COL5A2: variants seen among roughly 807,000 people sequenced by gnomAD.
COL5A2 encodes collagen type V alpha 2 chain.
In COL5A2, 23 loss-of-function variants were observed where a neutral mutation model predicts 208.2. That is an observed-to-expected ratio of 0.11 (90% CI 0.08 to 0.16). The LOEUF (loss-of-function observed/expected upper bound fraction) is 0.16. COL5A2 is among the 10% of genes least tolerant of loss of function. The pLI is 1.00. For missense variants in COL5A2, 1,590 were observed against 1,956.4 expected (o/e 0.81, Z 3.53); for synonymous variants, 625 against 628.5 (o/e 0.99, Z 0.08).
chr2:189,067,455 T>C (rs1686178426), intron 21 of COL5A2, among the ~76,000 whole-genome samples: 1 of 152,180 alleles, frequency 6.6e-6, no homozygotes, highest in Admixed American at 6.5e-5. Flanking sequence ...TATTTAAATA[T>C]TTATTTTTAT....
chr2:189,319,297 G>T, the COL5A2 span, among the ~76,000 whole-genome samples: 2 of 152,244 alleles, frequency 1.3e-5, no homozygotes, highest in Non-Finnish European at 2.9e-5. Flanking sequence ...TCATCTCACT[G>T]GGGCTTGTCA....
chr2:189,039,940 T>TG (rs1685524070), intron 50 of COL5A2, among the ~76,000 whole-genome samples: 3 of 152,182 alleles, frequency 2.0e-5, no homozygotes, highest in Non-Finnish European at 4.4e-5. Context: ...TTTAAAATTA[T>TG]TTTTGGATGA....
At chr2:189,091,649 T>C (rs969509505) in intron 7 of COL5A2, among the ~76,000 whole-genome samples, 8 of 152,196 alleles carry the variant, frequency 5.3e-5, no homozygotes, top group Non-Finnish European at 7.3e-5. Flanking sequence ...AACATAAGTT[T>C]ATATGCACTG....
the COL5A2 span, among the ~76,000 whole-genome samples, chr2:189,385,735 G>T: frequency 6.6e-6 from 1 of 152,026 alleles, no homozygotes; most frequent in Admixed American, 6.6e-5. Context: ...CTAACCAAAG[G>T]TTGTGGTAAC....
At chr2:189,098,180 T>A (rs1422772315) in intron 5 of COL5A2, among the ~76,000 whole-genome samples, 4 of 152,192 alleles carry the variant, frequency 2.6e-5, no homozygotes, top group African/African-American at 7.2e-5. Flanking sequence ...AGAACCAGAG[T>A]GAGTCCATTA....
chr2:189,135,097 T>G (rs1360985828), intron 1 of COL5A2, among the ~76,000 whole-genome samples: 1 of 152,214 alleles, frequency 6.6e-6, no homozygotes, highest in Non-Finnish European at 1.5e-5. Context: ...TTCTTCTTGT[T>G]ATCTTTCTAT....
At chr2:189,312,959 C>T in the COL5A2 span, among the ~76,000 whole-genome samples, 3,648 of 151,520 alleles carry the variant, frequency 0.024, 157 homozygotes, top group African/African-American at 0.084. Flanking sequence ...AGCACAAGAA[C>T]GCTGATAAAA....
chr2:189,163,303 C>T (rs1243232659), intron 1 of COL5A2, among the ~76,000 whole-genome samples: 5 of 152,172 alleles, frequency 3.3e-5, no homozygotes, highest in Non-Finnish European at 7.3e-5. Flanking sequence ...GGCAAGAAGG[C>T]ACGCTGCTAA....
chr2:189,362,053 A>G, the COL5A2 span, among the ~76,000 whole-genome samples: 7 of 152,080 alleles, frequency 4.6e-5, no homozygotes, highest in Non-Finnish European at 1.0e-4. Context: ...AGTTACCCCA[A>G]CTAAAGTATT....
chr2:189,169,340 C>T (rs184101651), intron 1 of COL5A2, among the ~76,000 whole-genome samples: 197 of 152,172 alleles, frequency 1.3e-3, no homozygotes, highest in African/African-American at 4.1e-3. Context: ...TGTGGGGCTG[C>T]GAAACAGGGG....
At chr2:189,368,003 C>A in the COL5A2 span, among the ~76,000 whole-genome samples, 2 of 151,922 alleles carry the variant, frequency 1.3e-5, no homozygotes, top group African/African-American at 4.8e-5. Context: ...ATTTATTTTC[C>A]AACTCTTCTA....
At chr2:189,292,510 C>T in the COL5A2 span, among the ~76,000 whole-genome samples, 5 of 152,244 alleles carry the variant, frequency 3.3e-5, no homozygotes, top group African/African-American at 1.2e-4. Flanking sequence ...AAAATGCTCA[C>T]CATCACTGGC....
chr2:189,330,521 A>G, the COL5A2 span, among the ~76,000 whole-genome samples: 96 of 152,352 alleles, frequency 6.3e-4, 3 homozygotes, highest in South Asian at 0.02. Flanking sequence ...AGTTAGGGGC[A>G]GAGCGGAGAG....
the COL5A2 span, among the ~76,000 whole-genome samples, chr2:189,375,268 C>T: frequency 7.5e-4 from 114 of 152,240 alleles, 2 homozygotes; most frequent in East Asian, 0.02. Flanking sequence ...CCGCCCACCT[C>T]GGCCTCCCAA....
intron 4 of COL5A2, among the ~76,000 whole-genome samples, chr2:189,099,238 T>C (rs1019420617): frequency 6.6e-6 from 1 of 151,904 alleles, no homozygotes; most frequent in African/African-American, 2.4e-5. Flanking sequence ...TAAAACAATA[T>C]GAATTATTTA....
chr2:189,064,964 AC>A, intron 24 of COL5A2, 39 bp downstream of exon 24: 8 of 1,600,778 alleles, frequency 5.0e-6, no homozygotes, highest in African/African-American at 1.3e-5. Flanking sequence ...CTTCTGGAGC[AC>A]CCCCCACGTA....
intron 1 of COL5A2, among the ~76,000 whole-genome samples, chr2:189,159,789 A>C (rs1688322348): frequency 6.6e-6 from 1 of 152,200 alleles, no homozygotes; most frequent in South Asian, 2.1e-4. Context: ...GCCGAGGCTG[A>C]GGTACGAGAA....
chr2:189,062,930 C>A lies in COL5A2; in HGVS notation c.1924-12G>T, dbSNP rs763972640. ...TTTCCAGGAGCTCCCTAGTATCACA[C>A]ACAGATATTTGTGAGGTGAGTCTAT... On this transcript the variant is annotated splice_polypyrimidine_tract_variant and intron_variant, in intron 28 of 53. Transcript: ENST00000374866. 6.2e-7 allele frequency: 1 copy of A among 1,614,080 alleles called. No homozygotes were observed. The highest frequency in any genetic ancestry group is 8.5e-7 in the Non-Finnish European group (1 of 1,179,996).
In COL5A2 at chr2:189,045,881, T is replaced by A. The variant is rs1559076904; in HGVS notation, c.3228A>T (p.Ala1076=). 1 of 1,614,140 alleles carries A rather than the reference T, an allele frequency of 6.2e-7. No homozygotes were observed. Among genetic ancestry groups the A allele is most frequent in the South Asian group, 1.1e-5 (1 of 91,088 alleles). The change falls in exon 46 of 54, where the codon GCA becomes GCT. Residue 1076 remains alanine (A), a synonymous_variant. Coordinates refer to ENST00000374866, the MANE Select transcript of COL5A2 (RefSeq NM_000393.5). ...GGGCACCCTGAGAGCCTGGCAGACC[T>A]GCAGGCCCAGGGTCTCCACGATCAC... ...ERGDRGDPGP[A]GLPGSQGAPG...
Sources: gnomAD v4.1 joint callset for allele counts (sites outside exome capture counted in the v4.1 genomes callset) on GRCh38, gnomAD v4.1.1 for gene constraint, MANE v1.5 for transcripts, NCBI Gene and HGNC (gene_info 2026-07-23, HGNC 2026-07-21) for gene names.